Variants in PACRG observed in about 807,000 individuals in gnomAD.
PACRG encodes parkin coregulated gene protein.
In PACRG, 29 loss-of-function variants were observed where a neutral mutation model predicts 29.7. The ratio of observed to expected loss-of-function variants is 0.98; its 90% CI spans 0.73 to 1.33. PACRG has a LOEUF of 1.33. Ranked by LOEUF, PACRG falls within the 40% of genes most tolerant of loss-of-function variation. The pLI is 0.00. For synonymous variants in PACRG, 116 were observed against 118.7 expected (o/e 0.98, Z 0.15); for missense variants, 279 against 316.2 (o/e 0.88, Z 0.89).
intron 4 of PACRG, among the ~76,000 whole-genome samples, chr6:163,204,820 C>G (rs1780838226): frequency 1.3e-5 from 2 of 152,154 alleles, no homozygotes; most frequent in Admixed American, 6.6e-5. Flanking sequence ...CTACAAAACC[C>G]CATAGCCTCT....
intron 4 of PACRG, among the ~76,000 whole-genome samples, chr6:163,145,524 C>T (rs1777758063): frequency 1.3e-5 from 2 of 152,188 alleles, no homozygotes; most frequent in South Asian, 4.1e-4. Context: ...ATGCAAAACA[C>T]TGGTTTTCAA....
intron 2 of PACRG, among the ~76,000 whole-genome samples, chr6:162,947,476 T>C (rs1250877891): frequency 8.1e-6 from 1 of 122,912 alleles, no homozygotes; most frequent in Non-Finnish European, 1.6e-5. Context: ...ATATAATATA[T>C]ATATAATCAT....
intron 4 of PACRG, among the ~76,000 whole-genome samples, chr6:163,248,800 G>C (rs1209798166): frequency 1.3e-5 from 2 of 152,120 alleles, no homozygotes; most frequent in Non-Finnish European, 2.9e-5. Context: ...AGATCACGAG[G>C]TCAGGAGATC....
intron 2 of PACRG, among the ~76,000 whole-genome samples, chr6:162,891,341 G>A (rs900426935): frequency 2.6e-5 from 4 of 152,190 alleles, no homozygotes; most frequent in Admixed American, 2.0e-4. Context: ...AACCCTTAGG[G>A]AAGGTTGGCT....
At chr6:162,775,830 C>T (rs1274739070) in intron 1 of PACRG, among the ~76,000 whole-genome samples, 11 of 152,174 alleles carry the variant, frequency 7.2e-5, no homozygotes, top group African/African-American at 2.2e-4. Context: ...CCTTAGAAAT[C>T]ACCTTGTCCA....
At chr6:163,155,623 ATT>A (rs1778280845) in intron 4 of PACRG, among the ~76,000 whole-genome samples, 1 of 152,242 alleles carries the variant, frequency 6.6e-6, no homozygotes, top group South Asian at 2.1e-4. Flanking sequence ...ATCTGCAACG[ATT>A]TTAAGCATCA....
chr6:162,904,786 T>C (rs1427845263), intron 2 of PACRG, among the ~76,000 whole-genome samples: 1 of 152,114 alleles, frequency 6.6e-6, no homozygotes, highest in African/African-American at 2.4e-5. Context: ...CATTGAATGA[T>C]AAATGACAAG....
intron 3 of PACRG, among the ~76,000 whole-genome samples, chr6:163,070,419 G>A (rs1811933138): frequency 6.6e-6 from 1 of 152,026 alleles, no homozygotes; most frequent in Non-Finnish European, 1.5e-5. Context: ...ACAAAGTTAA[G>A]ATGGGGGTTT....
chr6:162,887,055 A>G (rs1433373957), intron 2 of PACRG, among the ~76,000 whole-genome samples: 1 of 152,044 alleles, frequency 6.6e-6, no homozygotes, highest in Non-Finnish European at 1.5e-5. Context: ...TTACAGGCAC[A>G]TGCTACCACA....
At chr6:162,825,211 A>C (rs540741796) in intron 2 of PACRG, among the ~76,000 whole-genome samples, 1 of 152,146 alleles carries the variant, frequency 6.6e-6, no homozygotes, top group Admixed American at 6.5e-5. Flanking sequence ...TCTACTCTGT[A>C]CTTTGAAATA....
At chr6:162,746,951 A>T (rs1011385523) in intron 1 of PACRG, among the ~76,000 whole-genome samples, 1 of 152,166 alleles carries the variant, frequency 6.6e-6, no homozygotes, top group Non-Finnish European at 1.5e-5. Flanking sequence ...TCAACACTTG[A>T]TACTGCAACA....
At chr6:163,106,069 C>T (rs575572706) in intron 4 of PACRG, among the ~76,000 whole-genome samples, 1 of 152,234 alleles carries the variant, frequency 6.6e-6, no homozygotes, top group South Asian at 2.1e-4. Context: ...TTTCATGAAT[C>T]ATCTCATTTA....
chr6:163,157,890 T>C (rs1778387986), intron 4 of PACRG, among the ~76,000 whole-genome samples: 1 of 152,202 alleles, frequency 6.6e-6, no homozygotes, highest in South Asian at 2.1e-4. Context: ...TGAGGTTTAG[T>C]TTACTCCTTA....
At chr6:162,747,530 T>C (rs1186979744) in intron 1 of PACRG, among the ~76,000 whole-genome samples, 1 of 132,048 alleles carries the variant, frequency 7.6e-6, no homozygotes, top group Non-Finnish European at 1.6e-5. Flanking sequence ...CCCTGACTAA[T>C]ACAGGAGGTT....
chr6:163,124,669 G>C lies in PACRG; in HGVS notation c.613+35261G>C, dbSNP rs890600182. Reference sequence around the variant, plus strand: ...GGATTCCACACAAGAACACCAGCTGGAGCAGTGCCGTAGAGTCAAAGGAAG... The same window carrying C: ...GGATTCCACACAAGAACACCAGCTGCAGCAGTGCCGTAGAGTCAAAGGAAG... On this transcript the variant is annotated intron_variant, in intron 4 of 4. Coordinates refer to ENST00000366888, the MANE Select transcript of PACRG (RefSeq NM_001080379.2). Among the ~76,000 whole-genome samples, 150 of 152,294 alleles carry C rather than the reference G, an allele frequency of 9.8e-4. 1 individual carries two copies. The highest frequency in any genetic ancestry group is 3.6e-3 in the African/African-American group (150 of 41,570).
chr6:162,941,329 C>G (rs1164431888), intron 2 of PACRG, among the ~76,000 whole-genome samples: 1 of 152,184 alleles, frequency 6.6e-6, no homozygotes, highest in Non-Finnish European at 1.5e-5. Flanking sequence ...TCCTTTGCGT[C>G]TTGTATCCAG....
intron 4 of PACRG, among the ~76,000 whole-genome samples, chr6:163,178,447 G>T (rs1215396127): frequency 6.6e-6 from 1 of 152,114 alleles, no homozygotes; most frequent in East Asian, 1.9e-4. Flanking sequence ...CCCGGGCTCC[G>T]GCAGCCACCT....
intron 2 of PACRG, among the ~76,000 whole-genome samples, chr6:162,835,648 T>C (rs933949580): frequency 6.6e-6 from 1 of 152,160 alleles, no homozygotes; most frequent in Non-Finnish European, 1.5e-5. Context: ...TGAAATTCTA[T>C]CCTAAGCAGA....
intron 3 of PACRG, among the ~76,000 whole-genome samples, chr6:163,083,539 C>T (rs906232774): frequency 4.6e-5 from 7 of 152,158 alleles, no homozygotes; most frequent in African/African-American, 1.7e-4. Flanking sequence ...AGGGGCGTGT[C>T]CTCAACCTTG....
Sources: gnomAD v4.1 joint callset for allele counts (sites outside exome capture counted in the v4.1 genomes callset) on GRCh38, gnomAD v4.1.1 for gene constraint, MANE v1.5 for transcripts, NCBI Gene and HGNC (gene_info 2026-07-23, HGNC 2026-07-21) for gene names.